Variants in MYH9 observed in about 807,000 individuals in gnomAD.
MYH9 encodes myosin-9.
In MYH9, 29 loss-of-function variants were observed where a neutral mutation model predicts 241.9. The observed-to-expected ratio is 0.12, with a 90% CI of 0.09 to 0.16. MYH9 has a LOEUF of 0.16. Among genes scored for constraint, MYH9 ranks in the 10% least tolerant of loss-of-function variants. MYH9 has a pLI of 1.00. For synonymous variants in MYH9, 1,047 were observed against 1,062.6 expected, an observed-to-expected ratio of 0.99 and a Z score of 0.29; for missense variants, 1,803 against 2,595.5, an observed-to-expected ratio of 0.69 and a Z score of 6.63.
intron 1 of MYH9, among the ~76,000 whole-genome samples, chr22:36,350,455 T>C: frequency 6.6e-6 from 1 of 152,192 alleles, no homozygotes; most frequent in East Asian, 1.9e-4. Context: ...GAGAATCACT[T>C]GAACCCAGGA....
In MYH9 at chr22:36,286,343, G is replaced by A. The variant is rs1057417907; in HGVS notation, c.5061+375C>T. 6.6e-5 allele frequency among the ~76,000 whole-genome samples: 10 copies of A among 152,030 alleles called. No homozygotes were observed. In the South Asian group the frequency reaches 8.3e-4, roughly 13 times the overall value. ...CTACACCCTGGACGCACTCGCAGCC[G>A]GCACATCACGCTGCAGGGCACCCTC... On this transcript the variant is annotated intron_variant, in intron 35 of 40. Coordinates refer to ENST00000216181, the MANE Select transcript of MYH9 (RefSeq NM_002473.6).
intron 31 of MYH9, among the ~76,000 whole-genome samples, chr22:36,289,500 C>A (rs2016651372): frequency 6.6e-6 from 1 of 152,246 alleles, no homozygotes; most frequent in Non-Finnish European, 1.5e-5. Flanking sequence ...CCGACTGGAG[C>A]AGGCACTACT....
At chr22:36,387,178 C>T (rs1354252048) in intron 1 of MYH9, among the ~76,000 whole-genome samples, 2 of 152,168 alleles carry the variant, frequency 1.3e-5, no homozygotes, top group Non-Finnish European at 2.9e-5. Context: ...CCCGGGCCCT[C>T]CCCGACCAGT....
intron 1 of MYH9, among the ~76,000 whole-genome samples, chr22:36,387,541 G>A (rs866756468): frequency 6.6e-6 from 1 of 151,676 alleles, no homozygotes. Flanking sequence ...CACGGGGGGC[G>A]CCGGGGAGCG....
intron 23 of MYH9, 144 bp from the exon 24 acceptor site, chr22:36,299,186 T>A: frequency 1.6e-6 from 2 of 1,242,836 alleles, no homozygotes; most frequent in Non-Finnish European, 2.3e-6. Flanking sequence ...TTTTCCTAGA[T>A]CAAAGGATAA....
rs2016507490 is a variant in MYH9, at chr22:36,282,486, G to C, written c.*182C>G. 1.3e-6 allele frequency: 1 copy of C among 740,904 alleles called. No homozygotes were observed. 45.9% of individuals were successfully genotyped at this position (740,904 alleles called of 1,614,324 possible). ...GAGGGAGCTGGAAGGGGATGCAGCA[G>C]AGGAAGCCAAATGCCCTCAACAACA... On this transcript the variant is annotated 3_prime_UTR_variant, in exon 41 of 41. Coordinates refer to ENST00000216181, the MANE Select transcript of MYH9 (RefSeq NM_002473.6).
intron 1 of MYH9, among the ~76,000 whole-genome samples, chr22:36,359,316 G>A (rs993214499): frequency 6.6e-6 from 1 of 152,208 alleles, no homozygotes; most frequent in African/African-American, 2.4e-5. Flanking sequence ...GAGAAACAAG[G>A]CCAAAATGAG....
chr22:36,342,631 CAAA>C (rs77958833), intron 2 of MYH9, among the ~76,000 whole-genome samples: 3 of 138,942 alleles, frequency 2.2e-5, no homozygotes, highest in African/African-American at 2.7e-5. Flanking sequence ...TTTCCCCCAC[CAAA>C]AAAAAAAAAA....
At chr22:36,385,173 TC>T (rs2018333088) in intron 1 of MYH9, among the ~76,000 whole-genome samples, 15 of 128,186 alleles carry the variant, frequency 1.2e-4, no homozygotes, top group African/African-American at 2.5e-4. Context: ...TTTTTTTTTC[TC>T]TCTCTCTCTT....
In MYH9 at chr22:36,296,879, G is replaced by C; in HGVS notation, c.3236C>G (p.Ala1079Gly). ...AQIAELKMQL[A>G]KKEEELQAAL... ...GGCCTGGAGCTCCTCCTCTTTCTTG[G>C]CCAGCTGCATCTTGAGCTCCGCGAT... Residue 1079 changes from alanine (A) to glycine (G), a missense_variant, in exon 25 of 41, where the codon GCC becomes GGC. By Grantham distance (60) the Ala-to-Gly change is moderately conservative (BLOSUM62 0). Coordinates refer to ENST00000216181, the MANE Select transcript of MYH9 (RefSeq NM_002473.6). The C allele has an allele frequency of 6.2e-7, 1 of 1,613,052 alleles. No homozygotes were observed. Among genetic ancestry groups the C allele is most frequent in the Non-Finnish European group, 8.5e-7 (1 of 1,179,640 alleles).
Position 36,360,148 on chromosome 22 carries a change from C to A in MYH9, c.-19-10893G>T, listed in dbSNP as rs180758010. ...GATAGGAATTTCCCTCCCAACTCCT[C>A]TATCTTGTGATTCTGAGCTATTTAA... is the stretch of plus-strand genomic sequence containing the variant. On this transcript the variant is annotated intron_variant, in intron 1 of 40. Transcript: ENST00000216181. 4.4e-4 allele frequency among the ~76,000 whole-genome samples: 65 copies of A among 148,526 alleles called. 1 individual carries two copies. Among genetic ancestry groups the A allele is most frequent in the African/African-American group, 1.6e-3 (64 of 40,766 alleles).
chr22:36,310,268 T>G (rs1485644323), intron 14 of MYH9, among the ~76,000 whole-genome samples: 4 of 68,602 alleles, frequency 5.8e-5, no homozygotes, highest in African/African-American at 1.4e-4. Flanking sequence ...AGACTCCGTC[T>G]CAAAAAAAAA....
chr22:36,375,618 C>A (rs1289375058), intron 1 of MYH9, among the ~76,000 whole-genome samples: 1 of 152,244 alleles, frequency 6.6e-6, no homozygotes, highest in Non-Finnish European at 1.5e-5. Context: ...GGAGCTGGAG[C>A]ACCCAAGTTT....
In MYH9 at chr22:36,320,956, A is replaced by ATTT. The variant is rs61051159; in HGVS notation, c.770-63_770-61dup. On this transcript the variant is annotated intron_variant, in intron 7 of 40. Coordinates refer to ENST00000216181, the MANE Select transcript of MYH9 (RefSeq NM_002473.6). This position sits in a 1 kb window ranked among gnomAD's most constrained non-coding sequence, Gnocchi z 4.8. ...AGAAGGCAAGCCCTCCACTTTCCTC[A>ATTT]TTTTTTTTTTTTTGGAGACAGAGTC... is the stretch of plus-strand genomic sequence containing the variant. 3.0e-4 allele frequency: 358 copies of ATTT among 1,213,408 alleles called. 1 individual carries two copies. In the African/African-American group the frequency reaches 4.7e-3, roughly 16 times the overall value. The allele number at this position is 1,213,408 out of a possible 1,614,324, so 75.2% of individuals were successfully genotyped here.
intron 3 of MYH9, among the ~76,000 whole-genome samples, chr22:36,337,602 T>C (rs918960083): frequency 1.3e-5 from 2 of 152,222 alleles, no homozygotes; most frequent in African/African-American, 2.4e-5. Context: ...AATGCTAGTA[T>C]GTCATAAGGC....
chr22:36,293,938 TA>T lies in MYH9; in HGVS notation c.3838-76del. 6.7e-7 allele frequency: 1 copy of T among 1,489,590 alleles called. No homozygotes were observed. The allele number at this position is 1,489,590 out of a possible 1,614,324, so 92.3% of individuals were successfully genotyped here. A position where few individuals can be genotyped will look rare whatever the true frequency, so the allele number is the denominator to read the frequency against. On this transcript the variant is annotated intron_variant, in intron 28 of 40. Coordinates refer to ENST00000216181, the MANE Select transcript of MYH9 (RefSeq NM_002473.6). The surrounding 1 kb of genome is among the most constrained non-coding windows in gnomAD (Gnocchi z 5.1). The stretch of plus-strand genomic sequence containing the variant: ...CCTGCCCCACCTCATCTCCTTTAGG[TA>T]AAGCTGGACCTGAGTCACAAGCTGA...
chr22:36,293,380 C>G lies in MYH9; in HGVS notation c.4044G>C (p.Glu1348Asp), dbSNP rs2146336581. 1 of 1,614,120 alleles carries G rather than the reference C, an allele frequency of 6.2e-7. No individual in the cohort carries two copies. The highest frequency in any genetic ancestry group is 1.6e-4 in the Middle Eastern group (1 of 6,062). ...KNSFREQLEE[E>D]EEAKHNLEKQ... Reference sequence around the variant, plus strand: ...TCTCCAGGTTGTGCTTGGCCTCCTCCTCCTCCTCCAGCTGCTCCCGGAAGG... The same window carrying G: ...TCTCCAGGTTGTGCTTGGCCTCCTCGTCCTCCTCCAGCTGCTCCCGGAAGG... The change falls in exon 30 of 41, where the codon GAG (glutamate) becomes GAC (aspartate). Residue 1348 changes from glutamate (E) to aspartate (D), a missense_variant. This residue lies in a region of MYH9 where 876 missense variants were observed against 1,077.8 expected (regional missense o/e 0.81). Coordinates refer to ENST00000216181, the MANE Select transcript of MYH9 (RefSeq NM_002473.6). The surrounding 1 kb of genome is among the most constrained non-coding windows in gnomAD (Gnocchi z 5.1).
At position 36,316,655 on chromosome 22, in the gene MYH9, G is replaced by A. The variant is rs138436678; in HGVS notation, c.1242C>T (p.Ile414=). ...AQTKEQADFA[I]EALAKATYER... ...CATAGGTCGCCTTGGCCAAGGCCTC[G>A]ATGGCAAAGTCAGCCTGCGGGGCAC... The change falls in exon 12 of 41, where the codon ATC becomes ATT. Residue 414 remains isoleucine (I), a synonymous_variant. Coordinates refer to ENST00000216181, the MANE Select transcript of MYH9 (RefSeq NM_002473.6). 1,772 of 1,613,938 alleles carry A rather than the reference G, an allele frequency of 1.1e-3. 2 individuals carry two copies. Among genetic ancestry groups the A allele is most frequent in the Middle Eastern group, 2.8e-3 (17 of 6,054 alleles).
intron 1 of MYH9, among the ~76,000 whole-genome samples, chr22:36,354,592 C>T (rs539589027): frequency 4.6e-5 from 7 of 151,462 alleles, no homozygotes; most frequent in South Asian, 4.2e-4. Context: ...TACAGGCATC[C>T]GCCACCACGC....
Sources: allele counts gnomAD v4.1 joint callset (sites outside exome capture counted in the v4.1 genomes callset), GRCh38; gene constraint gnomAD v4.1.1; regional missense constraint gnomAD v4.1.1; non-coding constraint Gnocchi (gnomAD v3.1); transcripts MANE v1.5; gene names NCBI Gene and HGNC (gene_info 2026-07-23, HGNC 2026-07-21).